GTF2H4: variants seen among roughly 807,000 people sequenced by gnomAD.
GTF2H4 encodes the protein BTF2 p52.
A neutral mutation model predicts 62.2 loss-of-function variants in GTF2H4; 49 were observed. That is an observed-to-expected ratio of 0.79 (90% confidence interval 0.63 to 1.00). The LOEUF is 1.00. Ranked by LOEUF, GTF2H4 falls within the 50% of genes least tolerant of loss-of-function variation. GTF2H4 has a pLI of 0.00. For synonymous variants in GTF2H4, 189 were observed against 233.8 expected (o/e 0.81, Z 1.75); for missense variants, 479 against 587.8 (o/e 0.81, Z 1.91).
chr6:30,909,108 G>A lies in GTF2H4; in HGVS notation c.72G>A (p.Gly24=). ...GCAGGAATCTGCAGGAATTCTTAGG[G>A]GGCCTGAGCCCTGGGGTATTGGACC... is the stretch of plus-strand genomic sequence containing the variant. ...LQCRNLQEFL[G]GLSPGVLDRL... The change falls in exon 2 of 14, where the codon GGG becomes GGA. Residue 24 remains glycine, a synonymous_variant. Coordinates refer to ENST00000259895, the MANE Select transcript of GTF2H4 (RefSeq NM_001517.5). The surrounding 1 kb of genome is among the most constrained non-coding windows in gnomAD (Gnocchi z 4.3). The A allele has an allele frequency of 6.2e-7, 1 of 1,614,162 alleles. No individual in the cohort carries two copies. Among genetic ancestry groups the A allele is most frequent in the Non-Finnish European group, 8.5e-7 (1 of 1,180,016 alleles).
rs1415961941 is a variant in GTF2H4, at chr6:30,910,634, GT to G, written c.375-29del. ...GTGTGAGCCACTGCGCCTGGCCAGG[GT>G]TCCTTACTCTTGGCCCATCCTGGCC... is the stretch of plus-strand genomic sequence containing the variant. On this transcript the variant is annotated intron_variant, in intron 4 of 13. Coordinates refer to ENST00000259895, the MANE Select transcript of GTF2H4 (RefSeq NM_001517.5). This position sits in a 1 kb window ranked among gnomAD's most constrained non-coding sequence, Gnocchi z 4.7. The G allele has an allele frequency of 1.2e-5, 19 of 1,534,590 alleles. No individual in the cohort carries two copies. In the Admixed American group the frequency reaches 1.5e-4, roughly 12 times the overall value.
rs1317908818 is a variant in GTF2H4 at position 30,913,394 on chromosome 6, A to G, written c.1216+7A>G. On this transcript the variant is annotated splice_region_variant and intron_variant, in intron 13 of 13. Transcript: ENST00000259895. This position sits in a 1 kb window ranked among gnomAD's most constrained non-coding sequence, Gnocchi z 4.2. ...AGACTCCGGTTCACTGAGGGTGAGT[A>G]GCTTCTGGTGGCCAAGTCTTGGTCA... 1 of 1,612,346 alleles carries G rather than the reference A, an allele frequency of 6.2e-7. No individual in the cohort carries two copies. The highest frequency in any genetic ancestry group is 1.7e-5 in the Admixed American group (1 of 59,810).
chr6:30,909,829 T>G lies in GTF2H4; in HGVS notation c.243-103T>G. 8.9e-7 allele frequency: 1 copy of G among 1,118,908 alleles called. No homozygotes were observed. The highest frequency in any genetic ancestry group is 1.3e-6 in the Non-Finnish European group (1 of 771,488). The allele number at this position is 1,118,908 out of a possible 1,614,324, so 69.3% of individuals were successfully genotyped here. On this transcript the variant is annotated intron_variant, in intron 3 of 13. Coordinates refer to ENST00000259895, the MANE Select transcript of GTF2H4 (RefSeq NM_001517.5). The surrounding 1 kb of genome is among the most constrained non-coding windows in gnomAD (Gnocchi z 4.3). Reference sequence around the variant, plus strand: ...ATACTAATTTCACTCTGTGGAACAGTGTTCCAAGGGTCAGCAAGTTCAGAA... The same window carrying G: ...ATACTAATTTCACTCTGTGGAACAGGGTTCCAAGGGTCAGCAAGTTCAGAA...
Position 30,909,046 on chromosome 6 carries a change from A to G in GTF2H4, c.10A>G (p.Thr4Ala). 3.1e-6 allele frequency: 5 copies of G among 1,614,058 alleles called. No individual in the cohort carries two copies. The highest frequency in any genetic ancestry group is 4.2e-6 in the Non-Finnish European group (5 of 1,180,012). The change falls in exon 2 of 14, where the codon ACC (threonine) becomes GCC (alanine). Residue 4 changes from threonine (T) to alanine (A), a missense_variant. Physicochemically the swap from Thr to Ala is moderately conservative, Grantham distance 58. Transcript: ENST00000259895. The surrounding 1 kb of genome is among the most constrained non-coding windows in gnomAD (Gnocchi z 4.3). Reference protein sequence around the residue: MESTPSRGLNRVHL... With the variant: MESAPSRGLNRVHL... ...TTGCATTCCTCAGGTGATGGAGAGCACCCCTTCAAGGGGACTGAACCGAGT... is the reference window on the plus strand; with the variant it reads ...TTGCATTCCTCAGGTGATGGAGAGCGCCCCTTCAAGGGGACTGAACCGAGT...
chr6:30,910,639 T>C lies in GTF2H4; in HGVS notation c.375-26T>C. 6.4e-7 allele frequency: 1 copy of C among 1,573,930 alleles called. No homozygotes were observed. The highest frequency in any genetic ancestry group is 8.7e-7 in the Non-Finnish European group (1 of 1,144,740). On this transcript the variant is annotated intron_variant, in intron 4 of 13. Transcript: ENST00000259895. The surrounding 1 kb of genome is among the most constrained non-coding windows in gnomAD (Gnocchi z 4.7). ...AGCCACTGCGCCTGGCCAGGGTTCC[T>C]TACTCTTGGCCCATCCTGGCCGTAG...
Position 30,910,139 on chromosome 6 carries a change from G to T in GTF2H4, c.374+76G>T. On this transcript the variant is annotated intron_variant, in intron 4 of 13. Coordinates refer to ENST00000259895, the MANE Select transcript of GTF2H4 (RefSeq NM_001517.5). The surrounding 1 kb of genome is among the most constrained non-coding windows in gnomAD (Gnocchi z 4.7). Reference sequence around the variant, plus strand: ...TTAAACCACTAATTAAACTTTGGGAGGGGGAGCTCCTGGGGGCCTCCCCAG... The same window carrying T: ...TTAAACCACTAATTAAACTTTGGGATGGGGAGCTCCTGGGGGCCTCCCCAG... The T allele has an allele frequency of 1.3e-6, 2 of 1,537,914 alleles. No individual in the cohort carries two copies. Among genetic ancestry groups the T allele is most frequent in the Non-Finnish European group, 8.9e-7 (1 of 1,128,998 alleles).
Position 30,909,651 on chromosome 6 carries a change from AC to A in GTF2H4, c.242+113del. ...TATATCACAAAACTTAAAAATAAAT[AC>A]ATTTGGGAAACTCTGCATATTGCCT... On this transcript the variant is annotated intron_variant, in intron 3 of 13. Transcript: ENST00000259895. The surrounding 1 kb of genome is among the most constrained non-coding windows in gnomAD (Gnocchi z 4.3). 2.9e-6 allele frequency: 2 copies of A among 684,110 alleles called. No individual in the cohort carries two copies. The highest frequency in any genetic ancestry group is 5.0e-6 in the Non-Finnish European group (2 of 398,940). 42.4% of individuals were successfully genotyped at this position (684,110 alleles called of 1,614,324 possible).
chr6:30,912,414 G>C lies in GTF2H4; in HGVS notation c.1045G>C (p.Glu349Gln). Reference protein sequence around the residue: ...PNMVVAQVTRESVQQAIASGI... With the variant: ...PNMVVAQVTRQSVQQAIASGI... ...CATGGTGGTGGCGCAGGTGACCCGG[G>C]AGAGTGTGCAGCAGGCAATCGCCAG... The change falls in exon 11 of 14, where the codon GAG (glutamate) becomes CAG (glutamine). Residue 349 changes from glutamate (E) to glutamine (Q), a missense_variant. By Grantham distance (29) the Glu-to-Gln change is conservative. Coordinates refer to ENST00000259895, the MANE Select transcript of GTF2H4 (RefSeq NM_001517.5). The surrounding 1 kb of genome is among the most constrained non-coding windows in gnomAD (Gnocchi z 4.8). 1 of 1,612,978 alleles carries C rather than the reference G, an allele frequency of 6.2e-7. No individual in the cohort carries two copies. Among genetic ancestry groups the C allele is most frequent in the African/African-American group, 1.3e-5 (1 of 75,060 alleles).
rs755499439 is a variant in GTF2H4, at chr6:30,914,006, C to A, written c.*23C>A. On this transcript the variant is annotated 3_prime_UTR_variant, in exon 14 of 14. Coordinates refer to ENST00000259895, the MANE Select transcript of GTF2H4 (RefSeq NM_001517.5). Reference sequence around the variant, plus strand: ...TGAGAGCGCGGGACTTGGACACGGACCTCGGCGGGCGGGACTGGGCGGGGC... The same window carrying A: ...TGAGAGCGCGGGACTTGGACACGGAACTCGGCGGGCGGGACTGGGCGGGGC... 1 of 1,564,964 alleles carries A rather than the reference C, an allele frequency of 6.4e-7. No individual in the cohort carries two copies. The highest frequency in any genetic ancestry group is 8.7e-7 in the Non-Finnish European group (1 of 1,153,334).
Position 30,911,866 on chromosome 6 carries a change from C to A in GTF2H4, c.825+99C>A. ...GGGGTCTTGGGGCAGTAGCAGGAAG[C>A]AGTTGCCAGAACTGAATACTTGGGT... On this transcript the variant is annotated intron_variant, in intron 9 of 13. Transcript: ENST00000259895. This position sits in a 1 kb window ranked among gnomAD's most constrained non-coding sequence, Gnocchi z 4.3. The A allele has an allele frequency of 7.2e-7, 1 of 1,392,942 alleles. No individual in the cohort carries two copies. Among genetic ancestry groups the A allele is most frequent in the Non-Finnish European group, 1.0e-6 (1 of 988,744 alleles). 86.3% of individuals were successfully genotyped at this position (1,392,942 alleles called of 1,614,324 possible).
Position 30,910,858 on chromosome 6 carries a change from C to G in GTF2H4, c.477C>G (p.Val159=). 1 of 1,612,268 alleles carries G rather than the reference C, an allele frequency of 6.2e-7. No homozygotes were observed. Among genetic ancestry groups the G allele is most frequent in the Non-Finnish European group, 8.5e-7 (1 of 1,179,592 alleles). The change falls in exon 6 of 14, where the codon GTC becomes GTG. Residue 159 remains valine, a synonymous_variant. Coordinates refer to ENST00000259895, the MANE Select transcript of GTF2H4 (RefSeq NM_001517.5). The surrounding 1 kb of genome is among the most constrained non-coding windows in gnomAD (Gnocchi z 4.7). The part of the protein sequence containing the change: ...DKYAEERWEV[V]LHFMVGSPSA... Reference sequence around the variant, plus strand: ...TGTTCTCTTCTGTTCTTCAGGTGGTCTTGCACTTCATGGTGGGCTCCCCCA... The same window carrying G: ...TGTTCTCTTCTGTTCTTCAGGTGGTGTTGCACTTCATGGTGGGCTCCCCCA...
At chr6:30,908,503 C>A in intron 1 of GTF2H4, 100 bp downstream of exon 1, 1 of 175,108 alleles carries the variant, frequency 5.7e-6, no homozygotes, top group Admixed American at 5.5e-5. Flanking sequence ...GCTAGGAGAT[C>A]GGAAGGCGTG....
At position 30,914,021 on chromosome 6, in the gene GTF2H4, C is replaced by A; in HGVS notation, c.*38C>A. 2.5e-6 allele frequency: 2 copies of A among 801,906 alleles called. No individual in the cohort carries two copies. Among genetic ancestry groups the A allele is most frequent in the Non-Finnish European group, 2.0e-6 (1 of 488,678 alleles). The allele number at this position is 801,906 out of a possible 1,614,324, so 49.7% of individuals were successfully genotyped here. A position where few individuals can be genotyped will look rare whatever the true frequency, so the allele number is the denominator to read the frequency against. On this transcript the variant is annotated 3_prime_UTR_variant, in exon 14 of 14. Coordinates refer to ENST00000259895, the MANE Select transcript of GTF2H4 (RefSeq NM_001517.5). Reference sequence around the variant, plus strand: ...TGGACACGGACCTCGGCGGGCGGGACTGGGCGGGGCGGGGCATCAGAACTC... The same window carrying A: ...TGGACACGGACCTCGGCGGGCGGGAATGGGCGGGGCGGGGCATCAGAACTC...
rs1793714125 is a variant in GTF2H4, at chr6:30,910,479, A to G, written c.375-186A>G. On this transcript the variant is annotated intron_variant, in intron 4 of 13. Coordinates refer to ENST00000259895, the MANE Select transcript of GTF2H4 (RefSeq NM_001517.5). This position sits in a 1 kb window ranked among gnomAD's most constrained non-coding sequence, Gnocchi z 4.7. Reference sequence around the variant, plus strand: ...TGAGTAGCTGGGATTACAGGCACCCACCACGACGCCAGGCTAATTTTTTGT... The same window carrying G: ...TGAGTAGCTGGGATTACAGGCACCCGCCACGACGCCAGGCTAATTTTTTGT... The G allele has an allele frequency of 1.6e-6, 1 of 631,528 alleles. No individual in the cohort carries two copies. The highest frequency in any genetic ancestry group is 2.3e-5 in the Admixed American group (1 of 43,212). 39.1% of individuals were successfully genotyped at this position (631,528 alleles called of 1,614,324 possible).
chr6:30,911,969 G>A lies in GTF2H4; in HGVS notation c.826-45G>A, dbSNP rs774207908. The A allele has an allele frequency of 4.4e-6, 7 of 1,605,758 alleles. No homozygotes were observed. In the Admixed American group the frequency reaches 8.4e-5, roughly 19 times the overall value. ...GATATTTCAGGCAGGAAGATGTAAG[G>A]CAGTGACTTCTGAGACAAGGCATCT... On this transcript the variant is annotated intron_variant, in intron 9 of 13. Transcript: ENST00000259895. The surrounding 1 kb of genome is among the most constrained non-coding windows in gnomAD (Gnocchi z 4.3).
Position 30,909,553 on chromosome 6 carries a change from A to G in GTF2H4, c.242+14A>G. ...GGAATTCAGCAAGTAAGTCTCAGCC[A>G]GATACAAATTTCTCAACAGCTACAT... is the stretch of plus-strand genomic sequence containing the variant. On this transcript the variant is annotated intron_variant, in intron 3 of 13. Coordinates refer to ENST00000259895, the MANE Select transcript of GTF2H4 (RefSeq NM_001517.5). This position sits in a 1 kb window ranked among gnomAD's most constrained non-coding sequence, Gnocchi z 4.3. 1 of 1,533,744 alleles carries G rather than the reference A, an allele frequency of 6.5e-7. No homozygotes were observed. The highest frequency in any genetic ancestry group is 9.0e-7 in the Non-Finnish European group (1 of 1,108,350).
intron 1 of GTF2H4, 55 bp from the exon 2 acceptor site, chr6:30,908,979 G>T: frequency 6.2e-7 from 1 of 1,604,302 alleles, no homozygotes; most frequent in South Asian, 1.1e-5. Context: ...AGAAAGGTCA[G>T]GGGTGACACT....
At position 30,914,065 on chromosome 6, in the gene GTF2H4, C is replaced by T; in HGVS notation, c.*82C>T. The stretch of plus-strand genomic sequence containing the variant: ...AGAACTCAGGTGTTTTTTATTTACG[C>T]GTCAGGGCTTTTCTTGTTTAATAAA... On this transcript the variant is annotated 3_prime_UTR_variant, in exon 14 of 14. Transcript: ENST00000259895. 7.7e-7 allele frequency: 1 copy of T among 1,291,902 alleles called. No individual in the cohort carries two copies. The highest frequency in any genetic ancestry group is 1.0e-6 in the Non-Finnish European group (1 of 955,072). The allele number at this position is 1,291,902 out of a possible 1,614,324, so 80.0% of individuals were successfully genotyped here.
In GTF2H4 at chr6:30,912,010, T is replaced by G; in HGVS notation, c.826-4T>G. ...CAAGGCATCTGCCTTTCTATTCTTTTCAGAGGAAATCTCGGCGTTACTACC... is the reference window on the plus strand; with the variant it reads ...CAAGGCATCTGCCTTTCTATTCTTTGCAGAGGAAATCTCGGCGTTACTACC... On this transcript the variant is annotated splice_polypyrimidine_tract_variant and splice_region_variant and intron_variant, in intron 9 of 13. Transcript: ENST00000259895. The surrounding 1 kb of genome is among the most constrained non-coding windows in gnomAD (Gnocchi z 4.8). 1 of 1,612,808 alleles carries G rather than the reference T, an allele frequency of 6.2e-7. No homozygotes were observed. The highest frequency in any genetic ancestry group is 2.2e-5 in the East Asian group (1 of 44,882).
Sources: gnomAD v4.1 joint callset for allele counts on GRCh38, gnomAD v4.1.1 for gene constraint, Gnocchi (gnomAD v3.1) non-coding constraint, MANE v1.5 for transcripts, NCBI Gene and HGNC (gene_info 2026-07-23, HGNC 2026-07-21) for gene names.